Variants in PLAC8 observed in about 807,000 individuals in gnomAD.
The protein encoded by PLAC8 is placenta-specific gene 8 protein.
In PLAC8, 6 loss-of-function variants were observed where a neutral mutation model predicts 12.6. The observed-to-expected ratio is 0.48, with a 90% CI of 0.26 to 0.94. The LOEUF is 0.94. PLAC8 is among the 40% of genes least tolerant of loss of function. PLAC8 has a pLI of 0.14. For missense variants in PLAC8, 122 were observed against 152.7 expected, an observed-to-expected ratio of 0.80 and a Z score of 1.06; for synonymous variants, 54 against 52.6, an observed-to-expected ratio of 1.03 and a Z score of -0.11.
At chr4:83,094,898 G>T in intron 3 of PLAC8, 107 bp from the exon 4 acceptor site, 1 of 555,106 alleles carries the variant, frequency 1.8e-6, no homozygotes, top group Non-Finnish European at 3.1e-6. Flanking sequence ...CAGATTCAGA[G>T]TTTGGATGGA....
intron 1 of PLAC8, among the ~76,000 whole-genome samples, chr4:83,113,149 C>T (rs1732460998): frequency 6.6e-6 from 1 of 152,198 alleles, no homozygotes; most frequent in Admixed American, 6.5e-5. Flanking sequence ...GTAACGTGCA[C>T]CCGCAGGGCT....
intron 3 of PLAC8, among the ~76,000 whole-genome samples, chr4:83,100,302 T>A (rs113301012): frequency 0.018 from 2,716 of 148,528 alleles, 85 homozygotes; most frequent in African/African-American, 0.065. Context: ...AAAAAATGTG[T>A]AGCACCTCTG....
chr4:83,090,191 G>C lies in PLAC8; in HGVS notation c.*790C>G, dbSNP rs1207721807. ...CTTGGGAGGCTGAGATGAGAGGCTT[G>C]CTAGAGGCCCGGAGTTCAAGACCAG... On this transcript the variant is annotated 3_prime_UTR_variant, in exon 5 of 5. Coordinates refer to ENST00000311507, the MANE Select transcript of PLAC8 (RefSeq NM_016619.3). 1 of 151,968 alleles carries C rather than the reference G, an allele frequency of 6.6e-6. No individual in the cohort carries two copies. The highest frequency in any genetic ancestry group is 1.5e-5 in the Non-Finnish European group (1 of 68,044). The allele number at this position is 151,968 out of a possible 1,614,324, so 9.4% of individuals were successfully genotyped here.
rs958803395 is a variant in PLAC8, at chr4:83,114,684, C to T, written c.-48G>A. On this transcript the variant is annotated 5_prime_UTR_variant, in exon 1 of 5. Coordinates refer to ENST00000311507, the MANE Select transcript of PLAC8 (RefSeq NM_016619.3). ...TACTTACAATTAGTAAACAAGGTTC[C>T]GAGCAGGAAATGTCTTGTGGCCTGG... The T allele has an allele frequency of 2.0e-5, 3 of 151,816 alleles. No homozygotes were observed. Among genetic ancestry groups the T allele is most frequent in the South Asian group, 2.1e-4 (1 of 4,818 alleles). 9.4% of individuals were successfully genotyped at this position (151,816 alleles called of 1,614,324 possible).
At chr4:83,105,082 T>C in intron 2 of PLAC8, 62 bp from the exon 3 acceptor site, 1 of 1,602,958 alleles carries the variant, frequency 6.2e-7, no homozygotes, top group South Asian at 1.1e-5. Flanking sequence ...GCTGAAAGTT[T>C]AGCTTGCTTT....
intron 1 of PLAC8, 97 bp from the exon 2 acceptor site, chr4:83,108,047 A>AATGG (rs1732306268): frequency 3.0e-6 from 1 of 337,410 alleles, no homozygotes; most frequent in Admixed American, 3.8e-5. Flanking sequence ...ATGACGAGTT[A>AATGG]ATGGGTGCAG....
At chr4:83,104,358 C>T (rs1188453090) in intron 3 of PLAC8, among the ~76,000 whole-genome samples, 1 of 152,112 alleles carries the variant, frequency 6.6e-6, no homozygotes, top group Admixed American at 6.5e-5. Context: ...TACACACATC[C>T]ACTCCCAATC....
intron 1 of PLAC8, among the ~76,000 whole-genome samples, chr4:83,114,028 T>G (rs868628517): frequency 4.6e-4 from 69 of 150,894 alleles, no homozygotes; most frequent in African/African-American, 1.4e-3. Context: ...ACTAGACATA[T>G]TATTGAGATT....
chr4:83,113,278 C>T (rs1307183098), intron 1 of PLAC8, among the ~76,000 whole-genome samples: 1 of 152,186 alleles, frequency 6.6e-6, no homozygotes, highest in Non-Finnish European at 1.5e-5. Flanking sequence ...GTACACCTTC[C>T]TCCATGCGAT....
intron 1 of PLAC8, among the ~76,000 whole-genome samples, chr4:83,111,913 C>G (rs950208650): frequency 6.6e-6 from 1 of 152,146 alleles, no homozygotes; most frequent in African/African-American, 2.4e-5. Context: ...GCTGTATCGG[C>G]TGGGTGTGGT....
intron 2 of PLAC8, among the ~76,000 whole-genome samples, chr4:83,106,123 C>T (rs1350798151): frequency 6.6e-6 from 1 of 152,000 alleles, no homozygotes; most frequent in East Asian, 2.0e-4. Flanking sequence ...CCTCAGCCTC[C>T]CAAGTAGCTG....
At chr4:83,104,788 CTT>C in intron 3 of PLAC8, 106 bp downstream of exon 3, 1 of 1,235,974 alleles carries the variant, frequency 8.1e-7, no homozygotes, top group Non-Finnish European at 1.2e-6. Flanking sequence ...CTAGGGAACT[CTT>C]ATCAATCAAT....
At chr4:83,107,521 A>C (rs1347718285) in intron 2 of PLAC8, among the ~76,000 whole-genome samples, 2 of 150,378 alleles carry the variant, frequency 1.3e-5, no homozygotes, top group Admixed American at 6.7e-5. Flanking sequence ...CGTTGTTAGA[A>C]TCAATCAGCT....
At chr4:83,111,557 T>G (rs1732423985) in intron 1 of PLAC8, among the ~76,000 whole-genome samples, 1 of 152,184 alleles carries the variant, frequency 6.6e-6, no homozygotes, top group Admixed American at 6.5e-5. Context: ...TTTTTCCCTC[T>G]TGGCCCTTAG....
At chr4:83,092,264 G>A (rs927374129) in intron 4 of PLAC8, among the ~76,000 whole-genome samples, 1 of 152,076 alleles carries the variant, frequency 6.6e-6, no homozygotes, top group Non-Finnish European at 1.5e-5. Flanking sequence ...GATCCAAATT[G>A]TTTCATGTAT....
intron 3 of PLAC8, among the ~76,000 whole-genome samples, chr4:83,100,297 A>T (rs1362841613): frequency 1.3e-5 from 2 of 150,440 alleles, no homozygotes; most frequent in African/African-American, 2.5e-5. Flanking sequence ...AAAAAAAAAA[A>T]TGTGTAGCAC....
intron 3 of PLAC8, among the ~76,000 whole-genome samples, chr4:83,097,936 G>A (rs1168651878): frequency 7.1e-6 from 1 of 140,758 alleles, no homozygotes; most frequent in East Asian, 2.2e-4. Flanking sequence ...TCGGCTCACC[G>A]CAACCTCCGC....
chr4:83,098,933 G>A (rs984914987), intron 3 of PLAC8, among the ~76,000 whole-genome samples: 5 of 151,802 alleles, frequency 3.3e-5, no homozygotes, highest in Non-Finnish European at 7.4e-5. Context: ...GGCTTATTTG[G>A]TACAAAAATC....
At chr4:83,112,056 C>G (rs765526465) in intron 1 of PLAC8, among the ~76,000 whole-genome samples, 32 of 152,028 alleles carry the variant, frequency 2.1e-4, no homozygotes, top group African/African-American at 7.5e-4. Context: ...TGCCTGTAAT[C>G]CCAGCTATTC....
Sources: gnomAD v4.1 joint callset for allele counts (sites outside exome capture counted in the v4.1 genomes callset) on GRCh38, gnomAD v4.1.1 for gene constraint, MANE v1.5 for transcripts, NCBI Gene and HGNC (gene_info 2026-07-23, HGNC 2026-07-21) for gene names.